Variants in TVP23C observed in about 807,000 individuals in gnomAD.
TVP23C encodes trans-golgi network vesicle protein 23 homolog C.
Under a neutral mutation model 28.7 loss-of-function variants are expected in TVP23C, and 19 were observed. The observed-to-expected ratio is 0.66, with a 90% CI of 0.46 to 0.97. TVP23C has a LOEUF of 0.97. Among genes scored for constraint, TVP23C ranks in the 50% least tolerant of loss-of-function variants. The probability of loss-of-function intolerance (pLI) is 0.00; values close to 1 mark genes in which losing one functional copy is unlikely to be tolerated. For missense variants in TVP23C, 186 were observed against 241.3 expected, an observed-to-expected ratio of 0.77 and a Z score of 1.52; for synonymous variants, 68 against 81.7, an observed-to-expected ratio of 0.83 and a Z score of 0.90.
Position 15,539,045 on chromosome 17 carries a change from A to C in TVP23C, c.*1367T>G. The C allele has an allele frequency of 1.0e-6, 1 of 985,174 alleles. No homozygotes were observed. The highest frequency in any genetic ancestry group is 1.2e-6 in the Non-Finnish European group (1 of 829,554). 61.0% of individuals were successfully genotyped at this position (985,174 alleles called of 1,614,324 possible). On this transcript the variant is annotated 3_prime_UTR_variant, in exon 6 of 6. Transcript: ENST00000518321. ...GTACCACTATTAGCTGTATAATCTT[A>C]AGTAAATAATTTAATTTCTCGGGGC...
chr17:15,555,259 G>A (rs763429925), intron 2 of TVP23C, 23 bp downstream of exon 2: 2 of 1,613,856 alleles, frequency 1.2e-6, no homozygotes, highest in Admixed American at 1.7e-5. Flanking sequence ...CACTAACACA[G>A]CTCATGCAAC....
At position 15,539,250 on chromosome 17, in the gene TVP23C, G is replaced by A; in HGVS notation, c.*1162C>T. ...TGTATGTTCGAGTTTAAGAATCCCTGTCCTACATAATATCACTTGCCCAAC... is the reference window on the plus strand; with the variant it reads ...TGTATGTTCGAGTTTAAGAATCCCTATCCTACATAATATCACTTGCCCAAC... On this transcript the variant is annotated 3_prime_UTR_variant, in exon 6 of 6. Coordinates refer to ENST00000518321, the MANE Select transcript of TVP23C (RefSeq NM_001135036.2). 1 of 985,072 alleles carries A rather than the reference G, an allele frequency of 1.0e-6. No individual in the cohort carries two copies. The highest frequency in any genetic ancestry group is 4.7e-5 in the South Asian group (1 of 21,274). 61.0% of individuals were successfully genotyped at this position (985,072 alleles called of 1,614,324 possible).
downstream of TVP23C, among the ~76,000 whole-genome samples, chr17:15,535,431 C>T (rs1402648709): frequency 4.6e-5 from 7 of 150,570 alleles, no homozygotes; most frequent in Admixed American, 1.3e-4. Context: ...GTGTTCCAAC[C>T]GAGAGCCTAG....
chr17:15,560,594 C>T (rs959994154), intron 1 of TVP23C, among the ~76,000 whole-genome samples: 5 of 148,832 alleles, frequency 3.4e-5, no homozygotes, highest in South Asian at 4.3e-4. Flanking sequence ...GAGACGGAGT[C>T]GCCCAGGCTG....
chr17:15,543,071 C>A (rs1221739363), intron 5 of TVP23C, among the ~76,000 whole-genome samples: 1 of 151,772 alleles, frequency 6.6e-6, no homozygotes, highest in Non-Finnish European at 1.5e-5. Flanking sequence ...AAGGGAAGAA[C>A]CAGAAGAGAG....
Position 15,537,929 on chromosome 17 carries a change from T to C in TVP23C, c.*2483A>G. 4 of 1,443,474 alleles carry C rather than the reference T, an allele frequency of 2.8e-6. No homozygotes were observed. The highest frequency in any genetic ancestry group is 3.6e-6 in the Non-Finnish European group (4 of 1,100,330). 89.4% of individuals were successfully genotyped at this position (1,443,474 alleles called of 1,614,324 possible). A position where few individuals can be genotyped will look rare whatever the true frequency, so the allele number is the denominator to read the frequency against. ...CTTAACAATGTTTCTAGTGCCAACA[T>C]ATACTTTCTAGCCCCAACTGCTGGA... On this transcript the variant is annotated 3_prime_UTR_variant, in exon 6 of 6. Transcript: ENST00000518321.
At chr17:15,556,743 G>A (rs933503075) in intron 1 of TVP23C, among the ~76,000 whole-genome samples, 12 of 152,050 alleles carry the variant, frequency 7.9e-5, no homozygotes, top group Non-Finnish European at 1.2e-4. Flanking sequence ...TCCTCTCCTA[G>A]CGCCACTCAC....
chr17:15,517,695 T>C (rs1046071357), intron 5 of TVP23C, among the ~76,000 whole-genome samples: 5 of 152,148 alleles, frequency 3.3e-5, no homozygotes, highest in African/African-American at 1.2e-4. Context: ...AAACAATGGT[T>C]TGAGGTGGAT....
At chr17:15,504,223 G>A (rs1437216485) in intron 5 of TVP23C, among the ~76,000 whole-genome samples, 1 of 152,134 alleles carries the variant, frequency 6.6e-6, no homozygotes, top group African/African-American at 2.4e-5. Context: ...TTATATTCCT[G>A]CATTTTCAAC....
At chr17:15,524,066 GTGTGTGTGT>G (rs1567634736) in intron 5 of TVP23C, among the ~76,000 whole-genome samples, 2 of 40,216 alleles carry the variant, frequency 5.0e-5, no homozygotes, top group African/African-American at 2.4e-4. Context: ...AGAGTGGGGT[GTGTGTGTGT>G]GTGTGTGTGT....
At chr17:15,508,920 T>A (rs770010976) in intron 5 of TVP23C, among the ~76,000 whole-genome samples, 1 of 152,218 alleles carries the variant, frequency 6.6e-6, no homozygotes, top group Non-Finnish European at 1.5e-5. Flanking sequence ...AAGACCCCGA[T>A]GAGTCACTGC....
At chr17:15,532,564 C>T (rs1426873687), downstream of TVP23C, among the ~76,000 whole-genome samples, 1 of 152,204 alleles carries the variant, frequency 6.6e-6, no homozygotes, top group Non-Finnish European at 1.5e-5. Flanking sequence ...CCTTATTGAT[C>T]ACGGAAAGTC....
rs537837958 is a variant in TVP23C, at chr17:15,502,867, A to T, written c.828T>A (p.His276Gln). 1.5e-5 allele frequency: 24 copies of T among 1,578,292 alleles called. No individual in the cohort carries two copies. In the Admixed American group the frequency reaches 2.0e-4, roughly 13 times the overall value. ...GCTTCAGATTTGTGGGTTGTTTTTAATGCATTCCGGATGCCAGATGAAATT... is the reference window on the plus strand; with the variant it reads ...GCTTCAGATTTGTGGGTTGTTTTTATTGCATTCCGGATGCCAGATGAAATT... Residue 276 changes from histidine to glutamine, a missense_variant, in exon 6 of 6, where the codon CAT becomes CAA. By Grantham distance (24) the His-to-Gln change is conservative. Transcript: ENST00000225576.
At chr17:15,510,743 T>A (rs375857506) in intron 5 of TVP23C, among the ~76,000 whole-genome samples, 1 of 152,196 alleles carries the variant, frequency 6.6e-6, no homozygotes, top group Admixed American at 6.5e-5. Flanking sequence ...AAAGCAGTTA[T>A]CACTGGCCCT....
At position 15,545,932 on chromosome 17, in the gene TVP23C, A is replaced by C; in HGVS notation, c.331-16T>G. ...GAGAGGACTCCTATAAAAGAACATA[A>C]ATTCAATTATCATGTTGTGAAATTT... On this transcript the variant is annotated splice_polypyrimidine_tract_variant and intron_variant, in intron 4 of 5. Transcript: ENST00000518321. The C allele has an allele frequency of 6.3e-7, 1 of 1,595,872 alleles. No homozygotes were observed. Among genetic ancestry groups the C allele is most frequent in the Non-Finnish European group, 8.5e-7 (1 of 1,174,664 alleles).
chr17:15,548,371 G>A (rs767907670), intron 3 of TVP23C, among the ~76,000 whole-genome samples: 2 of 152,082 alleles, frequency 1.3e-5, no homozygotes, highest in African/African-American at 4.8e-5. Context: ...TCTCCATGTC[G>A]GTCAGGTTGG....
intron 2 of TVP23C, among the ~76,000 whole-genome samples, chr17:15,554,276 C>T (rs1318015923): frequency 2.9e-5 from 4 of 138,164 alleles, no homozygotes; most frequent in African/African-American, 8.1e-5. Context: ...CTCGCTCCGT[C>T]GCCCAGGCTG....
In TVP23C at chr17:15,513,990, A is replaced by G. The variant is rs950059014; in HGVS notation, c.463-10758T>C. 5.3e-5 allele frequency among the ~76,000 whole-genome samples: 8 copies of G among 152,214 alleles called. No individual in the cohort carries two copies. The South Asian group carries it at 8.3e-4, about 16-fold the overall frequency. On this transcript the variant is annotated intron_variant, in intron 5 of 5. Coordinates refer to the TVP23C transcript ENST00000225576. ...GACGGTGAGGGAGGCCCAGAGACCC[A>G]GGGCCTGTCACTAACCAGAAAACCA...
At chr17:15,513,350 T>C (rs1982082002) in intron 5 of TVP23C, among the ~76,000 whole-genome samples, 1 of 152,218 alleles carries the variant, frequency 6.6e-6, no homozygotes, top group South Asian at 2.1e-4. Context: ...AATTTTAAAC[T>C]AGGCTTTAAA....
Sources: allele counts gnomAD v4.1 joint callset (sites outside exome capture counted in the v4.1 genomes callset), GRCh38; gene constraint gnomAD v4.1.1; transcripts MANE v1.5; gene names NCBI Gene and HGNC (gene_info 2026-07-23, HGNC 2026-07-21).